Variants in CSMD1 observed in about 807,000 individuals in gnomAD.
CSMD1 encodes the protein CUB and sushi domain-containing protein 1.
CSMD1 carries 213 observed loss-of-function variants against 417.5 expected under a neutral mutation model. The observed-to-expected ratio is 0.51, with a 90% confidence interval of 0.46 to 0.57. The LOEUF (loss-of-function observed/expected upper bound fraction) is 0.57. Ranked by LOEUF, CSMD1 falls within the 20% of genes least tolerant of loss-of-function variation. CSMD1 has a pLI of 0.00. For missense variants in CSMD1, 6,923 were observed against 4,529.7 expected (o/e 1.53, Z -15.17); for synonymous variants, 2,862 against 1,736.8 (o/e 1.65, Z -16.11).
chr8:4,026,501 C>G (rs1218231942), intron 4 of CSMD1, among the ~76,000 whole-genome samples: 5 of 152,100 alleles, frequency 3.3e-5, no homozygotes, highest in Non-Finnish European at 7.3e-5. Context: ...AAGAAGAAAA[C>G]CACTGGAGGA....
rs1057071117 is a variant in CSMD1 at position 4,639,031 on chromosome 8, G to A, written c.86-1473C>T. Reference sequence around the variant, plus strand: ...GAACAGCTCTGGGAGATTAGTAACAGCTGCACACCTGACCCACCTATTCTA... The same window carrying A: ...GAACAGCTCTGGGAGATTAGTAACAACTGCACACCTGACCCACCTATTCTA... On this transcript the variant is annotated intron_variant, in intron 1 of 69. Coordinates refer to ENST00000635120, the MANE Select transcript of CSMD1 (RefSeq NM_033225.6). Among the ~76,000 whole-genome samples the A allele has an allele frequency of 6.6e-5, 10 of 152,134 alleles. No homozygotes were observed. The East Asian group carries it at 7.7e-4, about 12-fold the overall frequency.
At chr8:4,513,751 T>C (rs1802953596) in intron 2 of CSMD1, among the ~76,000 whole-genome samples, 1 of 152,162 alleles carries the variant, frequency 6.6e-6, no homozygotes, top group Non-Finnish European at 1.5e-5. Context: ...TTGGCAAAAA[T>C]ACATAAATTT....
At chr8:4,354,145 T>G (rs1438672489) in intron 3 of CSMD1, among the ~76,000 whole-genome samples, 1 of 152,194 alleles carries the variant, frequency 6.6e-6, no homozygotes, top group African/African-American at 2.4e-5. Context: ...TTTTAAAAAT[T>G]TAAATGTAAA....
At chr8:3,174,655 G>A (rs530893874) in intron 37 of CSMD1, among the ~76,000 whole-genome samples, 3 of 152,084 alleles carry the variant, frequency 2.0e-5, no homozygotes, top group African/African-American at 4.8e-5. Flanking sequence ...AGATAATTAC[G>A]TAAGTAAATA....
rs1324820623 is a variant in CSMD1 at position 3,908,027 on chromosome 8, A to C, written c.818+89876T>G. ...ACAGTTTCCTCTTTCTACCAGGAGG[A>C]CTCCATAGGTATTTGACCCCAAAGT... is the stretch of plus-strand genomic sequence containing the variant. On this transcript the variant is annotated intron_variant, in intron 5 of 69. Transcript: ENST00000635120. Among the ~76,000 whole-genome samples, 2 of 151,820 alleles carry C rather than the reference A, an allele frequency of 1.3e-5. 1 individual carries two copies. The highest frequency in any genetic ancestry group is 2.9e-5 in the Non-Finnish European group (2 of 67,966).
intron 5 of CSMD1, among the ~76,000 whole-genome samples, chr8:3,890,279 G>A (rs989331095): frequency 3.3e-5 from 5 of 152,024 alleles, no homozygotes; most frequent in African/African-American, 9.7e-5. Context: ...TATTTTGCTG[G>A]GTTTTGATTT....
intron 4 of CSMD1, among the ~76,000 whole-genome samples, chr8:3,998,364 T>C (rs572929573): frequency 3.9e-5 from 6 of 152,144 alleles, no homozygotes; most frequent in Non-Finnish European, 8.8e-5. Context: ...TTCTGAAACA[T>C]GGAAAGTGTA....
intron 7 of CSMD1, among the ~76,000 whole-genome samples, chr8:3,699,159 G>C (rs1169305153): frequency 6.6e-6 from 1 of 152,208 alleles, no homozygotes; most frequent in East Asian, 1.9e-4. Flanking sequence ...TTCAGCAGTG[G>C]GATGGAGGAA....
chr8:4,975,411 G>C (rs183202291), intron 1 of CSMD1, among the ~76,000 whole-genome samples: 7 of 152,192 alleles, frequency 4.6e-5, no homozygotes, highest in African/African-American at 1.7e-4. Flanking sequence ...CGGCCTTATT[G>C]AATGTGGGCT....
chr8:4,434,573 G>C (rs1304898300), intron 2 of CSMD1, among the ~76,000 whole-genome samples: 1 of 152,154 alleles, frequency 6.6e-6, no homozygotes, highest in Non-Finnish European at 1.5e-5. Context: ...TAGAGGAGGA[G>C]GAAGTTCATG....
chr8:4,252,052 G>C (rs984833487), intron 3 of CSMD1, among the ~76,000 whole-genome samples: 1 of 152,160 alleles, frequency 6.6e-6, no homozygotes, highest in Non-Finnish European at 1.5e-5. Context: ...TTTAAGCACA[G>C]AAGATCATTC....
In CSMD1 at chr8:3,050,105, TA is replaced by T. The variant is rs11402129; in HGVS notation, c.7660+2356del. ...TTTTATGCATAACACCTAGAGAACTTAAAAAAAAAAAAAAAACTGATGATTG... is the reference window on the plus strand; with the variant it reads ...TTTTATGCATAACACCTAGAGAACTTAAAAAAAAAAAAAAACTGATGATTG... On this transcript the variant is annotated intron_variant, in intron 50 of 69. Coordinates refer to ENST00000635120, the MANE Select transcript of CSMD1 (RefSeq NM_033225.6). Among the ~76,000 whole-genome samples, 1,340 of 140,528 alleles carry T rather than the reference TA, an allele frequency of 9.5e-3. 8 individuals carry two copies. The highest frequency in any genetic ancestry group is 0.019 in the South Asian group (84 of 4,374). The allele number at this position is 140,528 out of a possible 152,430, so 92.2% of individuals were successfully genotyped here.
In CSMD1 at chr8:3,189,539, T is replaced by G. The variant is rs145356876; in HGVS notation, c.5398+373A>C. On this transcript the variant is annotated intron_variant, in intron 34 of 69. Coordinates refer to ENST00000635120, the MANE Select transcript of CSMD1 (RefSeq NM_033225.6). ...CTGTTATTCAGCCTGCATTTACCTA[T>G]TAATTTTCAAAGATTCATCAGCACC... 3.2e-3 allele frequency among the ~76,000 whole-genome samples: 482 copies of G among 152,330 alleles called. 3 individuals are homozygous for G. Among genetic ancestry groups the G allele is most frequent in the African/African-American group, 0.011 (454 of 41,580 alleles).
At chr8:4,533,113 T>C (rs1796919643) in intron 2 of CSMD1, among the ~76,000 whole-genome samples, 1 of 152,186 alleles carries the variant, frequency 6.6e-6, no homozygotes, top group African/African-American at 2.4e-5. Flanking sequence ...TAAATGGCCA[T>C]CCAACATATG....
At chr8:3,512,503 A>C (rs1429317121) in intron 10 of CSMD1, among the ~76,000 whole-genome samples, 1 of 151,716 alleles carries the variant, frequency 6.6e-6, no homozygotes, top group African/African-American at 2.4e-5. Context: ...GAATGACCAC[A>C]TGAACGGCTG....
At chr8:3,595,379 G>A (rs527959561) in intron 8 of CSMD1, among the ~76,000 whole-genome samples, 6 of 152,178 alleles carry the variant, frequency 3.9e-5, no homozygotes, top group Admixed American at 2.0e-4. Context: ...CACACATAAT[G>A]TGTCTTTTCT....
chr8:4,169,803 C>G (rs1215008973), intron 3 of CSMD1, among the ~76,000 whole-genome samples: 3 of 152,116 alleles, frequency 2.0e-5, no homozygotes, highest in African/African-American at 7.2e-5. Flanking sequence ...CTTCCTTCCA[C>G]CAGCAGCACT....
intron 1 of CSMD1, among the ~76,000 whole-genome samples, chr8:4,880,036 T>A (rs1248075585): frequency 6.6e-6 from 1 of 152,094 alleles, no homozygotes; most frequent in Admixed American, 6.5e-5. Flanking sequence ...TAAAAGTATT[T>A]TTGGCTTTAA....
chr8:4,457,702 C>T (rs1289068417), intron 2 of CSMD1, among the ~76,000 whole-genome samples: 2 of 152,112 alleles, frequency 1.3e-5, no homozygotes, highest in Non-Finnish European at 2.9e-5. Flanking sequence ...ATGGGAGAGG[C>T]AGCTTCCCTT....
Sources: gnomAD v4.1 joint callset for allele counts (sites outside exome capture counted in the v4.1 genomes callset) on GRCh38, gnomAD v4.1.1 for gene constraint, MANE v1.5 for transcripts, NCBI Gene and HGNC (gene_info 2026-07-23, HGNC 2026-07-21) for gene names.